Variants in RGS14 observed in about 807,000 individuals in gnomAD.
The protein encoded by RGS14 is regulator of G protein signaling 14.
RGS14 carries 33 observed loss-of-function variants against 63.8 expected under a neutral mutation model. That is an observed-to-expected ratio of 0.52 (90% confidence interval 0.39 to 0.69). The LOEUF (loss-of-function observed/expected upper bound fraction) is 0.69. RGS14 is among the 30% of genes least tolerant of loss of function. The pLI, the probability that RGS14 is intolerant of heterozygous loss-of-function variation, is 0.00. For missense variants in RGS14, 739 were observed against 742.9 expected, an observed-to-expected ratio of 0.99 and a Z score of 0.06; for synonymous variants, 296 against 320.9, an observed-to-expected ratio of 0.92 and a Z score of 0.83.
intron 1 of RGS14, among the ~76,000 whole-genome samples, chr5:177,365,682 C>T (rs1301602939): frequency 6.6e-6 from 1 of 152,212 alleles, no homozygotes; most frequent in Non-Finnish European, 1.5e-5. Flanking sequence ...TCTGTTCCTA[C>T]CCACCATGCT....
Position 177,372,076 on chromosome 5 carries a change from C to G in RGS14, c.*1C>G. 2 of 1,613,564 alleles carry G rather than the reference C, an allele frequency of 1.2e-6. No homozygotes were observed. The highest frequency in any genetic ancestry group is 1.7e-6 in the Non-Finnish European group (2 of 1,179,730). ...CTCCACCACCGACTCAGCCCTCTGA[C>G]AGCTACCCAACAGTCCAGGACAGCT... On this transcript the variant is annotated 3_prime_UTR_variant, in exon 15 of 15. Coordinates refer to ENST00000408923, the MANE Select transcript of RGS14 (RefSeq NM_006480.5).
intron 1 of RGS14, among the ~76,000 whole-genome samples, chr5:177,361,012 G>A (rs1761953331): frequency 6.6e-6 from 1 of 152,246 alleles, no homozygotes; most frequent in African/African-American, 2.4e-5. Flanking sequence ...CACAGGGACA[G>A]GGCCCTAGGG....
At chr5:177,365,664 G>A (rs1762071627) in intron 1 of RGS14, among the ~76,000 whole-genome samples, 1 of 152,234 alleles carries the variant, frequency 6.6e-6, no homozygotes, top group Admixed American at 6.5e-5. Context: ...AAGTGGCAGA[G>A]ACTAAAGTCT....
chr5:177,367,493 C>T lies in RGS14; in HGVS notation c.563C>T (p.Ala188Val), dbSNP rs1312461900. ...TACCGCGAGTGCCTGCTAGCCGAAG[C>T]CGAGGGACGCCCTCTGCGGGAACCT... ...PLYRECLLAEAEGRPLREPGS... is the reference protein window; with the variant it reads ...PLYRECLLAEVEGRPLREPGS... Residue 188 changes from alanine to valine, a missense_variant, in exon 6 of 15, where the codon GCC (alanine) becomes GTC (valine). Ala to Val is a moderately conservative substitution (Grantham distance 64). Transcript: ENST00000408923. The T allele has an allele frequency of 2.5e-6, 4 of 1,612,606 alleles. No individual in the cohort carries two copies. The highest frequency in any genetic ancestry group is 1.3e-5 in the African/African-American group (1 of 74,916).
chr5:177,370,483 A>C (rs1325604691), intron 9 of RGS14, 108 bp from the exon 10 acceptor site: 9 of 951,126 alleles, frequency 9.5e-6, no homozygotes, highest in African/African-American at 3.2e-5. Flanking sequence ...CCCTTCCTCT[A>C]GGAAGCCCAG....
chr5:177,368,901 A>AC lies in RGS14; in HGVS notation c.1036dup (p.Leu346ProfsTer5). ...CTCTCTCTACCTGACATCAAGGTCT[A>AC]CCTGGTGGGCAATGAACAGGTGGGA... On this transcript the variant is annotated frameshift_variant, in exon 9 of 15. Coordinates refer to ENST00000408923, the MANE Select transcript of RGS14 (RefSeq NM_006480.5). LOFTEE classifies it high-confidence loss of function. 6.2e-7 allele frequency: 1 copy of AC among 1,614,168 alleles called. No individual in the cohort carries two copies. Among genetic ancestry groups the AC allele is most frequent in the Non-Finnish European group, 8.5e-7 (1 of 1,180,018 alleles).
chr5:177,367,889 G>A, intron 7 of RGS14, 64 bp downstream of exon 7: 2 of 1,478,252 alleles, frequency 1.4e-6, no homozygotes, highest in Non-Finnish European at 1.8e-6. Context: ...TTTGGGGAGT[G>A]CCCCCTTCCT....
In RGS14 at chr5:177,358,132, G is replaced by A. The variant is rs1489850074; in HGVS notation, c.45+63G>A. On this transcript the variant is annotated intron_variant, in intron 1 of 14. Coordinates refer to ENST00000408923, the MANE Select transcript of RGS14 (RefSeq NM_006480.5). This position sits in a 1 kb window ranked among gnomAD's most constrained non-coding sequence, Gnocchi z 4.8. Reference sequence around the variant, plus strand: ...GTGGGCACACCCAGGGTGGAGCCCAGGAGGCACACCCGGCAGGGCCAGGCA... The same window carrying A: ...GTGGGCACACCCAGGGTGGAGCCCAAGAGGCACACCCGGCAGGGCCAGGCA... The A allele has an allele frequency of 8.8e-6, 11 of 1,248,860 alleles. No homozygotes were observed. The Admixed American group carries it at 1.1e-4, about 13-fold the overall frequency. The allele number at this position is 1,248,860 out of a possible 1,614,324, so 77.4% of individuals were successfully genotyped here.
At position 177,367,492 on chromosome 5, in the gene RGS14, G is replaced by A. The variant is rs1026559045; in HGVS notation, c.562G>A (p.Ala188Thr). The A allele has an allele frequency of 1.2e-6, 2 of 1,612,620 alleles. No homozygotes were observed. The highest frequency in any genetic ancestry group is 1.7e-6 in the Non-Finnish European group (2 of 1,179,466). Residue 188 changes from alanine to threonine, a missense_variant, in exon 6 of 15, where the codon GCC (alanine) becomes ACC (threonine). Ala to Thr is a moderately conservative substitution (Grantham distance 58). Coordinates refer to ENST00000408923, the MANE Select transcript of RGS14 (RefSeq NM_006480.5). ...PLYRECLLAEAEGRPLREPGS... is the reference protein window; with the variant it reads ...PLYRECLLAETEGRPLREPGS... The stretch of plus-strand genomic sequence containing the variant: ...GTACCGCGAGTGCCTGCTAGCCGAA[G>A]CCGAGGGACGCCCTCTGCGGGAACC...
intron 3 of RGS14, 145 bp from the exon 4 acceptor site, chr5:177,366,563 G>C (rs1762097017): frequency 3.6e-6 from 3 of 843,698 alleles, no homozygotes; most frequent in Non-Finnish European, 5.7e-6. Flanking sequence ...TCTTCAGATC[G>C]GTCTGGCTCC....
At chr5:177,363,337 G>A (rs1388377208) in intron 1 of RGS14, among the ~76,000 whole-genome samples, 1 of 152,038 alleles carries the variant, frequency 6.6e-6, no homozygotes, top group Admixed American at 6.5e-5. Context: ...CGGGGGCGGG[G>A]CGCGCTGGGC....
intron 9 of RGS14, chr5:177,369,185 G>A (rs973478413): frequency 1.1e-4 from 56 of 515,694 alleles, no homozygotes; most frequent in African/African-American, 9.4e-4. Flanking sequence ...GCTGGGGTTT[G>A]CCCCTCATCA....
chr5:177,367,437 C>G lies in RGS14; in HGVS notation c.507C>G (p.Asp169Glu). The G allele has an allele frequency of 1.9e-6, 3 of 1,609,480 alleles. No homozygotes were observed. The highest frequency in any genetic ancestry group is 1.7e-6 in the Non-Finnish European group (2 of 1,177,432). Reference protein sequence around the residue: ...QLQIFNLMKFDSYARFVKSPL... With the variant: ...QLQIFNLMKFESYARFVKSPL... ...AGATCTTCAACTTGATGAAGTTCGACAGCTATGCGCGCTTCGTCAAGTCCC... is the reference window on the plus strand; with the variant it reads ...AGATCTTCAACTTGATGAAGTTCGAGAGCTATGCGCGCTTCGTCAAGTCCC... Residue 169 changes from aspartate (D) to glutamate (E), a missense_variant, in exon 6 of 15, where the codon GAC becomes GAG. Asp to Glu is a conservative substitution (Grantham distance 45). Coordinates refer to ENST00000408923, the MANE Select transcript of RGS14 (RefSeq NM_006480.5).
At chr5:177,361,219 G>C (rs1761959049) in intron 1 of RGS14, among the ~76,000 whole-genome samples, 1 of 152,214 alleles carries the variant, frequency 6.6e-6, no homozygotes, top group Non-Finnish European at 1.5e-5. Flanking sequence ...ATCTCCACAG[G>C]CTGGTTCAAG....
Position 177,367,007 on chromosome 5 carries a change from G to A in RGS14, c.456G>A (p.Pro152=). 1 of 1,612,336 alleles carries A rather than the reference G, an allele frequency of 6.2e-7. No individual in the cohort carries two copies. Among genetic ancestry groups the A allele is most frequent in the African/African-American group, 1.3e-5 (1 of 75,010 alleles). Residue 152 remains proline, a synonymous_variant, in exon 5 of 15, where the codon CCG becomes CCA. Transcript: ENST00000408923. ...LGEEVLAEPR[P]DMFRAQQLQI... ...AGGAGGTGCTGGCCGAGCCCCGGCC[G>A]GACATGTTTCGGGCACAGCAGCTTC... is the stretch of plus-strand genomic sequence containing the variant.
chr5:177,362,395 G>C (rs1581615307), intron 1 of RGS14, among the ~76,000 whole-genome samples: 1 of 152,180 alleles, frequency 6.6e-6, no homozygotes, highest in South Asian at 2.1e-4. Context: ...TGCTTCTTGA[G>C]GAGGGAGTTC....
Position 177,371,108 on chromosome 5 carries a change from G to C in RGS14, c.1255-57G>C, listed in dbSNP as rs566818204. The C allele has an allele frequency of 8.7e-7, 1 of 1,155,504 alleles. No individual in the cohort carries two copies. 71.6% of individuals were successfully genotyped at this position (1,155,504 alleles called of 1,614,324 possible). On this transcript the variant is annotated intron_variant, in intron 11 of 14. Coordinates refer to ENST00000408923, the MANE Select transcript of RGS14 (RefSeq NM_006480.5). The surrounding 1 kb of genome is among the most constrained non-coding windows in gnomAD (Gnocchi z 6.1). The stretch of plus-strand genomic sequence containing the variant: ...GGCCGGGGCCGGGGCCGGGGCCGGG[G>C]CCGGGGCCGGGGCCGGGCGGAGGCC...
intron 1 of RGS14, among the ~76,000 whole-genome samples, chr5:177,362,924 G>A (rs908313754): frequency 2.0e-5 from 3 of 152,194 alleles, no homozygotes; most frequent in African/African-American, 7.2e-5. Flanking sequence ...GCCAGCTCCA[G>A]CGCCTATCAC....
In RGS14 at chr5:177,368,218, C is replaced by T. The variant is rs1301087141; in HGVS notation, c.801C>T (p.Ser267=). The change falls in exon 8 of 15, where the codon TCC becomes TCT. Residue 267 remains serine (S), a synonymous_variant. Coordinates refer to ENST00000408923, the MANE Select transcript of RGS14 (RefSeq NM_006480.5). ...RRESQGSLNS[S]ASLDLGFLAF... ...AGTCTCAGGGCTCCCTCAACTCCTC[C>T]GCCAGCCTGGACCTTGGCTTCCTAG... The T allele has an allele frequency of 1.2e-6, 2 of 1,614,008 alleles. No homozygotes were observed. The highest frequency in any genetic ancestry group is 1.1e-5 in the South Asian group (1 of 91,082).
Sources: gnomAD v4.1 joint callset for allele counts (sites outside exome capture counted in the v4.1 genomes callset) on GRCh38, gnomAD v4.1.1 for gene constraint, Gnocchi (gnomAD v3.1) non-coding constraint, MANE v1.5 for transcripts, NCBI Gene and HGNC (gene_info 2026-07-23, HGNC 2026-07-21) for gene names.